E2F3: variants seen among roughly 807,000 people sequenced by gnomAD.
The protein encoded by E2F3 is E2F transcription factor 3, also known as transcription factor E2F3.
In E2F3, 11 loss-of-function variants were observed where a neutral mutation model predicts 44.4. The ratio of observed to expected loss-of-function variants is 0.25; its 90% CI spans 0.16 to 0.41. The LOEUF is 0.41. Among genes scored for constraint, E2F3 ranks in the 10% least tolerant of loss-of-function variants. The pLI, the probability that E2F3 is intolerant of heterozygous loss-of-function variation, is 1.00. For missense variants in E2F3, 487 were observed against 583.6 expected (o/e 0.83, Z 1.70); for synonymous variants, 249 against 253.0 (o/e 0.98, Z 0.15).
At chr6:20,442,110 C>T (rs935917722) in intron 1 of E2F3, among the ~76,000 whole-genome samples, 7 of 152,002 alleles carry the variant, frequency 4.6e-5, no homozygotes, top group South Asian at 2.1e-4. Context: ...TTGGCTTTGG[C>T]TAGAGAAAGG....
intron 1 of E2F3, among the ~76,000 whole-genome samples, chr6:20,421,351 A>C (rs776006362): frequency 2.6e-5 from 4 of 152,232 alleles, no homozygotes; most frequent in Non-Finnish European, 5.9e-5. Flanking sequence ...CTTTGGAGGA[A>C]TCACTATTTA....
intron 1 of E2F3, among the ~76,000 whole-genome samples, chr6:20,476,572 T>C (rs1762052410): frequency 6.6e-6 from 1 of 152,168 alleles, no homozygotes; most frequent in Non-Finnish European, 1.5e-5. Flanking sequence ...GGCTCCTCAC[T>C]TACCAACCTT....
chr6:20,443,324 GAC>G (rs1486728209), intron 1 of E2F3, among the ~76,000 whole-genome samples: 2 of 151,470 alleles, frequency 1.3e-5, no homozygotes, highest in African/African-American at 4.8e-5. Context: ...ATTTACAAAA[GAC>G]ACAGTTTCTT....
chr6:20,480,026 C>A, intron 2 of E2F3, 69 bp downstream of exon 2: 1 of 1,528,882 alleles, frequency 6.5e-7, no homozygotes, highest in Non-Finnish European at 8.8e-7. Flanking sequence ...AGCTTATGGC[C>A]GGAAGGATGC....
chr6:20,411,119 A>T (rs1315521985), intron 1 of E2F3, among the ~76,000 whole-genome samples: 1 of 152,230 alleles, frequency 6.6e-6, no homozygotes, highest in Non-Finnish European at 1.5e-5. Context: ...TTCTTGTAGT[A>T]GTGCTATCAG....
intron 1 of E2F3, among the ~76,000 whole-genome samples, chr6:20,469,297 A>G (rs1761814039): frequency 6.6e-6 from 1 of 152,208 alleles, no homozygotes; most frequent in African/African-American, 2.4e-5. Context: ...TGGGTATCGT[A>G]TCATTGAAGG....
At chr6:20,404,349 T>C (rs1759421734) in intron 1 of E2F3, among the ~76,000 whole-genome samples, 2 of 152,220 alleles carry the variant, frequency 1.3e-5, no homozygotes, top group South Asian at 4.1e-4. Flanking sequence ...GGTCTCCCCT[T>C]TCTCCTTTTC....
intron 1 of E2F3, among the ~76,000 whole-genome samples, chr6:20,458,405 C>A (rs1383201142): frequency 6.6e-6 from 1 of 152,146 alleles, no homozygotes; most frequent in Non-Finnish European, 1.5e-5. Flanking sequence ...GTAGGTCAAG[C>A]AATACCTACC....
At chr6:20,459,478 C>T (rs1191334514) in intron 1 of E2F3, among the ~76,000 whole-genome samples, 1 of 152,210 alleles carries the variant, frequency 6.6e-6, no homozygotes, top group Admixed American at 6.5e-5. Context: ...AAAAAGTATA[C>T]ATCTGAACAG....
In E2F3 at chr6:20,490,211, T is replaced by C; in HGVS notation, c.1179T>C (p.Ser393=). ...TNSGHSDCSV[S]MGNLSPLASP... is the part of the protein sequence containing the mutation. ...CAGGACATAGCGATTGCTCAGTTTC[T>C]ATGGGAAACCTTTCTCCTCTGGCCT... The change falls in exon 7 of 7, where the codon TCT becomes TCC. Residue 393 remains serine, a synonymous_variant. Coordinates refer to ENST00000346618, the MANE Select transcript of E2F3 (RefSeq NM_001949.5). The surrounding 1 kb of genome is among the most constrained non-coding windows in gnomAD (Gnocchi z 4.3). 1.9e-6 allele frequency: 3 copies of C among 1,614,046 alleles called. No individual in the cohort carries two copies. The highest frequency in any genetic ancestry group is 1.7e-6 in the Non-Finnish European group (2 of 1,179,966).
At chr6:20,405,321 A>G (rs1759455871) in intron 1 of E2F3, among the ~76,000 whole-genome samples, 2 of 149,946 alleles carry the variant, frequency 1.3e-5, no homozygotes, top group African/African-American at 4.9e-5. Flanking sequence ...ATTGCAATGT[A>G]TGCTGAATCA....
intron 1 of E2F3, among the ~76,000 whole-genome samples, chr6:20,472,087 G>A (rs1761913211): frequency 6.8e-6 from 1 of 146,282 alleles, no homozygotes; most frequent in Non-Finnish European, 1.5e-5. Flanking sequence ...TATCCCTTCT[G>A]CAGGTTGGTA....
chr6:20,462,877 T>C (rs1761568313), intron 1 of E2F3, among the ~76,000 whole-genome samples: 3 of 107,822 alleles, frequency 2.8e-5, no homozygotes, highest in African/African-American at 7.6e-5. Flanking sequence ...TTTTTTTTTT[T>C]TTTTTTTTTT....
At position 20,488,280 on chromosome 6, in the gene E2F3, A is replaced by G. The variant is rs754229599; in HGVS notation, c.1135+32A>G. On this transcript the variant is annotated intron_variant, in intron 6 of 6. Transcript: ENST00000346618. Reference sequence around the variant, plus strand: ...ACTCCACTTTTGTCTTTTAGAAACTATGTTAAAAATGAGGGTGACTAGAAC... The same window carrying G: ...ACTCCACTTTTGTCTTTTAGAAACTGTGTTAAAAATGAGGGTGACTAGAAC... 15 of 1,555,982 alleles carry G rather than the reference A, an allele frequency of 9.6e-6. No individual in the cohort carries two copies. In the African/African-American group the frequency reaches 1.1e-4, roughly 11 times the overall value.
chr6:20,403,601 GA>G (rs1328273409), intron 1 of E2F3: 6 of 468,548 alleles, frequency 1.3e-5, no homozygotes, highest in Admixed American at 8.9e-5. Flanking sequence ...TGGAGGGGGA[GA>G]GGGGGGCACC....
chr6:20,437,696 G>A (rs546911238), intron 1 of E2F3: 10 of 152,252 alleles, frequency 6.6e-5, no homozygotes, highest in Non-Finnish European at 1.0e-4. Flanking sequence ...TGAAGAAAAC[G>A]GACACTTGTC....
At chr6:20,429,762 G>A (rs1760337111) in intron 1 of E2F3, among the ~76,000 whole-genome samples, 1 of 150,808 alleles carries the variant, frequency 6.6e-6, no homozygotes, top group African/African-American at 2.4e-5. Context: ...TTTATCTTCT[G>A]TAAGCACTAA....
At position 20,424,986 on chromosome 6, in the gene E2F3, C is replaced by T. The variant is rs894975758; in HGVS notation, c.393+22361C>T. Reference sequence around the variant, plus strand: ...TCACATGACGAGGGCAGGCCATTGTCTAGGGCGGGTTATCAGGTGTTTCTC... The same window carrying T: ...TCACATGACGAGGGCAGGCCATTGTTTAGGGCGGGTTATCAGGTGTTTCTC... On this transcript the variant is annotated intron_variant, in intron 1 of 6. Coordinates refer to ENST00000346618, the MANE Select transcript of E2F3 (RefSeq NM_001949.5). Among the ~76,000 whole-genome samples the T allele has an allele frequency of 4.3e-4, 65 of 152,324 alleles. 2 individuals carry two copies. Among genetic ancestry groups the T allele is most frequent in the Non-Finnish European group, 8.8e-5 (6 of 68,036 alleles).
At chr6:20,478,587 T>C (rs986335777) in intron 1 of E2F3, among the ~76,000 whole-genome samples, 2 of 152,182 alleles carry the variant, frequency 1.3e-5, no homozygotes, top group Admixed American at 6.5e-5. Context: ...GGTGGGCAGA[T>C]CACCAAAGAT....
Sources: allele counts gnomAD v4.1 joint callset (sites outside exome capture counted in the v4.1 genomes callset), GRCh38; gene constraint gnomAD v4.1.1; non-coding constraint Gnocchi (gnomAD v3.1); transcripts MANE v1.5; gene names NCBI Gene and HGNC (gene_info 2026-07-23, HGNC 2026-07-21).